Variants in EXOC4 observed in about 807,000 individuals in gnomAD.
EXOC4 encodes SEC8-like 1.
A neutral mutation model predicts 107.2 loss-of-function variants in EXOC4; 71 were observed. That is an observed-to-expected ratio of 0.66 (90% CI 0.55 to 0.81). EXOC4 has a LOEUF of 0.81. EXOC4 is among the 30% of genes least tolerant of loss of function. The probability of loss-of-function intolerance (pLI) is 0.00; values close to 1 mark genes in which losing one functional copy is unlikely to be tolerated. For missense variants in EXOC4, 1,108 were observed against 1,189.6 expected, an observed-to-expected ratio of 0.93 and a Z score of 1.01; for synonymous variants, 456 against 441.2, an observed-to-expected ratio of 1.03 and a Z score of -0.42.
At chr7:133,314,740 A>G (rs1794951176) in intron 4 of EXOC4, among the ~76,000 whole-genome samples, 1 of 152,190 alleles carries the variant, frequency 6.6e-6, no homozygotes, top group Non-Finnish European at 1.5e-5. Context: ...TGTGGCAGGC[A>G]GTATTCCAGC....
chr7:133,576,787 A>T, intron 9 of EXOC4: 1 of 1,289,486 alleles, frequency 7.8e-7, no homozygotes, highest in South Asian at 1.2e-5. Flanking sequence ...TTACACCCAG[A>T]CAGCCCTTCT....
chr7:133,921,138 G>A (rs1257647875), intron 13 of EXOC4, among the ~76,000 whole-genome samples: 1 of 152,212 alleles, frequency 6.6e-6, no homozygotes, highest in East Asian at 1.9e-4. Flanking sequence ...CTGAGAACAG[G>A]GTTAGAGGGT....
At chr7:133,742,587 A>G (rs905517887) in intron 10 of EXOC4, among the ~76,000 whole-genome samples, 1 of 152,236 alleles carries the variant, frequency 6.6e-6, no homozygotes, top group African/African-American at 2.4e-5. Flanking sequence ...AGCTAGTTTC[A>G]TATCCTGCAG....
chr7:133,334,266 G>A (rs375849569), intron 5 of EXOC4, among the ~76,000 whole-genome samples: 2 of 151,858 alleles, frequency 1.3e-5, no homozygotes, highest in East Asian at 1.9e-4. Context: ...TATTTTTTCC[G>A]TCTATCCCTA....
intron 16 of EXOC4, among the ~76,000 whole-genome samples, chr7:134,007,297 T>C (rs1794664077): frequency 6.6e-6 from 1 of 152,188 alleles, no homozygotes; most frequent in Non-Finnish European, 1.5e-5. Context: ...TCATTGTATA[T>C]GCCTGTGGTC....
chr7:133,598,951 T>A (rs902606136), intron 9 of EXOC4, among the ~76,000 whole-genome samples: 25 of 152,088 alleles, frequency 1.6e-4, no homozygotes, highest in Admixed American at 1.2e-3. Flanking sequence ...GCCACTGCAT[T>A]CCAGCCTGGG....
chr7:133,985,106 T>A (rs540872023), intron 14 of EXOC4, among the ~76,000 whole-genome samples: 1 of 152,140 alleles, frequency 6.6e-6, no homozygotes, highest in Non-Finnish European at 1.5e-5. Flanking sequence ...AGTTAATGTT[T>A]GTAGTTAGGG....
chr7:133,260,517 A>C (rs892645497), intron 1 of EXOC4, among the ~76,000 whole-genome samples: 1 of 152,102 alleles, frequency 6.6e-6, no homozygotes, highest in Non-Finnish European at 1.5e-5. Context: ...CAAGTGACCC[A>C]CTTGCCTCGG....
chr7:134,047,689 A>G (rs1795688757), intron 17 of EXOC4, among the ~76,000 whole-genome samples: 1 of 144,514 alleles, frequency 6.9e-6, no homozygotes, highest in South Asian at 2.2e-4. Context: ...GTCCATCACA[A>G]GGAGGTTTTG....
At chr7:133,284,681 G>A (rs1031055544) in intron 2 of EXOC4, among the ~76,000 whole-genome samples, 63 of 151,976 alleles carry the variant, frequency 4.1e-4, no homozygotes, top group Non-Finnish European at 5.3e-4. Context: ...ACAGGTGCCC[G>A]CCACCATGCC....
chr7:133,832,503 CT>C (rs1797831508), intron 11 of EXOC4, among the ~76,000 whole-genome samples: 1 of 152,146 alleles, frequency 6.6e-6, no homozygotes, highest in Non-Finnish European at 1.5e-5. Flanking sequence ...GATTTTTTAA[CT>C]GTCTCTATAG....
intron 9 of EXOC4, among the ~76,000 whole-genome samples, chr7:133,611,930 A>G (rs1802083812): frequency 6.6e-6 from 1 of 152,208 alleles, no homozygotes; most frequent in Admixed American, 6.5e-5. Context: ...ACTACATGAA[A>G]ATAATCTCAT....
At chr7:133,376,457 T>A (rs2150692370) in intron 7 of EXOC4, among the ~76,000 whole-genome samples, 1 of 152,346 alleles carries the variant, frequency 6.6e-6, no homozygotes, top group South Asian at 2.1e-4. Context: ...AATAGGGACT[T>A]CTGTTTCTCA....
chr7:133,841,855 T>C (rs894508520), intron 11 of EXOC4, among the ~76,000 whole-genome samples: 7 of 152,168 alleles, frequency 4.6e-5, no homozygotes, highest in African/African-American at 1.7e-4. Flanking sequence ...TGTTTTTCCC[T>C]TCTTTGTGTT....
intron 7 of EXOC4, among the ~76,000 whole-genome samples, chr7:133,428,261 T>A (rs1797772941): frequency 6.6e-6 from 1 of 152,212 alleles, no homozygotes; most frequent in Non-Finnish European, 1.5e-5. Flanking sequence ...GAATGTAAAT[T>A]TCTCAGCCAC....
At chr7:133,580,467 C>T (rs762025927) in intron 9 of EXOC4, among the ~76,000 whole-genome samples, 1 of 152,088 alleles carries the variant, frequency 6.6e-6, no homozygotes, top group African/African-American at 2.4e-5. Flanking sequence ...ACAGTAGTGC[C>T]CATAGGTTCC....
chr7:133,940,912 C>G (rs1800411167), intron 14 of EXOC4, among the ~76,000 whole-genome samples: 1 of 151,890 alleles, frequency 6.6e-6, no homozygotes, highest in Admixed American at 6.6e-5. Flanking sequence ...ATTTCTTGTT[C>G]CACATTCTGT....
At chr7:134,004,876 A>C (rs770943581) in intron 15 of EXOC4, 36 bp from the exon 16 acceptor site, 1 of 1,569,100 alleles carries the variant, frequency 6.4e-7, no homozygotes, top group East Asian at 2.2e-5. Flanking sequence ...GGAAGGATTT[A>C]TTATTAACTG....
intron 9 of EXOC4, among the ~76,000 whole-genome samples, chr7:133,582,042 C>A (rs900325166): frequency 5.9e-5 from 9 of 152,086 alleles, no homozygotes; most frequent in Non-Finnish European, 8.8e-5. Context: ...CACCCCCTAC[C>A]AGGCCCCTCC....
Sources: gnomAD v4.1 joint callset for allele counts (sites outside exome capture counted in the v4.1 genomes callset) on GRCh38, gnomAD v4.1.1 for gene constraint, MANE v1.5 for transcripts, NCBI Gene and HGNC (gene_info 2026-07-23, HGNC 2026-07-21) for gene names.